The following DENND4A variants were observed in gnomAD, a reference collection of about 807,000 sequenced individuals.
DENND4A encodes DENN domain containing 4A.
Under a neutral mutation model 199.3 loss-of-function variants are expected in DENND4A, and 70 were observed. That is an observed-to-expected ratio of 0.35 (90% CI 0.29 to 0.43). The LOEUF is 0.43. Ranked by LOEUF, DENND4A falls within the 20% of genes least tolerant of loss-of-function variation. DENND4A has a pLI of 1.00. For missense variants in DENND4A, 1,723 were observed against 2,255.8 expected, an observed-to-expected ratio of 0.76 and a Z score of 4.78; for synonymous variants, 686 against 766.9, an observed-to-expected ratio of 0.89 and a Z score of 1.74.
chr15:65,741,224 C>A (rs1400474452), intron 5 of DENND4A, among the ~76,000 whole-genome samples: 1 of 152,030 alleles, frequency 6.6e-6, no homozygotes, highest in African/African-American at 2.4e-5. Context: ...TGCATAAAAG[C>A]AATTTTTAAA....
chr15:65,672,585 G>T (rs1468392562), intron 24 of DENND4A, among the ~76,000 whole-genome samples: 1 of 151,276 alleles, frequency 6.6e-6, no homozygotes, highest in Non-Finnish European at 1.5e-5. Flanking sequence ...CAATGAGAGC[G>T]TGGGCAGCAG....
At chr15:65,735,224 A>G (rs984451664) in intron 7 of DENND4A, among the ~76,000 whole-genome samples, 1 of 152,028 alleles carries the variant, frequency 6.6e-6, no homozygotes, top group African/African-American at 2.4e-5. Context: ...CCAAAAATAC[A>G]AAAATCAGCC....
chr15:65,715,288 C>T, intron 14 of DENND4A, 190 bp downstream of exon 14: 2 of 473,574 alleles, frequency 4.2e-6, no homozygotes, highest in Non-Finnish European at 7.1e-6. Flanking sequence ...TAGTAAAATT[C>T]TACAAGGTAA....
chr15:65,740,470 G>A (rs2076229834), intron 5 of DENND4A, among the ~76,000 whole-genome samples: 1 of 147,984 alleles, frequency 6.8e-6, no homozygotes, highest in Non-Finnish European at 1.5e-5. Context: ...AAAAAAATTA[G>A]CCAGGCACGG....
At chr15:65,786,387 T>G (rs2077567303) in intron 1 of DENND4A, among the ~76,000 whole-genome samples, 2 of 152,106 alleles carry the variant, frequency 1.3e-5, no homozygotes, top group Admixed American at 6.5e-5. Context: ...AACATACATG[T>G]TTTGTTTTTT....
intron 22 of DENND4A, among the ~76,000 whole-genome samples, chr15:65,694,618 C>G (rs896459520): frequency 6.6e-6 from 1 of 152,040 alleles, no homozygotes; most frequent in Non-Finnish European, 1.5e-5. Flanking sequence ...ATATATTGTA[C>G]TGCAAAATAT....
rs1374534046 is a variant in DENND4A, at chr15:65,661,320, G to C, written c.*531C>G. 6.6e-6 allele frequency: 1 copy of C among 152,094 alleles called. No individual in the cohort carries two copies. Among genetic ancestry groups the C allele is most frequent in the Non-Finnish European group, 1.5e-5 (1 of 68,046 alleles). The allele number at this position is 152,094 out of a possible 1,614,324, so 9.4% of individuals were successfully genotyped here. On this transcript the variant is annotated 3_prime_UTR_variant, in exon 33 of 33. Transcript: ENST00000443035. The stretch of plus-strand genomic sequence containing the variant: ...ATTACTTCAAATAGCAGCAGACAAG[G>C]AAAATACACGCTTGCTTGCTTAAGT...
chr15:65,732,903 A>G, intron 7 of DENND4A, 85 bp from the exon 8 acceptor site: 1 of 781,554 alleles, frequency 1.3e-6, no homozygotes, highest in Non-Finnish European at 2.1e-6. Context: ...GTCCAAGTTG[A>G]GTCAAAGCCC....
intron 10 of DENND4A, 106 bp downstream of exon 10, chr15:65,729,428 C>A: frequency 6.8e-7 from 1 of 1,466,586 alleles, no homozygotes; most frequent in Non-Finnish European, 9.2e-7. Context: ...AACACAAATT[C>A]ATTACTCTCT....
chr15:65,780,500 A>C (rs969140212), intron 1 of DENND4A, among the ~76,000 whole-genome samples: 2 of 152,224 alleles, frequency 1.3e-5, no homozygotes, highest in Non-Finnish European at 2.9e-5. Flanking sequence ...ACAGGACACC[A>C]AATGTTGGAC....
rs771198068 is a variant in DENND4A, at chr15:65,756,132, A to T, written c.311+8T>A. ...CAATAACAGTAAGTCGTTTAAAAAAATACTTACCCCAGATCTGTAAGTGGA... is the reference window on the plus strand; with the variant it reads ...CAATAACAGTAAGTCGTTTAAAAAATTACTTACCCCAGATCTGTAAGTGGA... On this transcript the variant is annotated splice_region_variant and intron_variant, in intron 3 of 32. Transcript: ENST00000443035. 3 of 1,584,430 alleles carry T rather than the reference A, an allele frequency of 1.9e-6. No individual in the cohort carries two copies. The highest frequency in any genetic ancestry group is 2.6e-6 in the Non-Finnish European group (3 of 1,167,468).
intron 4 of DENND4A, 122 bp from the exon 5 acceptor site, chr15:65,741,906 A>G: frequency 1.6e-6 from 1 of 615,504 alleles, no homozygotes; most frequent in Non-Finnish European, 2.6e-6. Flanking sequence ...TCCCTCTGCT[A>G]GCTATTTTCA....
intron 1 of DENND4A, among the ~76,000 whole-genome samples, chr15:65,775,337 C>T (rs545609898): frequency 2.7e-5 from 4 of 148,804 alleles, no homozygotes; most frequent in Non-Finnish European, 5.9e-5. Context: ...CAGAGCCACA[C>T]CCTGCCTCAA....
At chr15:65,742,999 T>C (rs915741853) in intron 4 of DENND4A, among the ~76,000 whole-genome samples, 8 of 152,308 alleles carry the variant, frequency 5.3e-5, no homozygotes, top group African/African-American at 1.9e-4. Context: ...TGTAATGTCA[T>C]TGATAATTAA....
intron 24 of DENND4A, among the ~76,000 whole-genome samples, chr15:65,672,929 C>T (rs1414324115): frequency 6.6e-6 from 1 of 150,766 alleles, no homozygotes; most frequent in African/African-American, 2.4e-5. Flanking sequence ...AGCCTGATCT[C>T]GGCTAACTGC....
At chr15:65,781,674 G>T (rs542807314) in intron 1 of DENND4A, among the ~76,000 whole-genome samples, 2 of 152,292 alleles carry the variant, frequency 1.3e-5, no homozygotes, top group South Asian at 4.1e-4. Context: ...ATAAAGTCCA[G>T]TTTGGACAAG....
In DENND4A at chr15:65,701,205, C is replaced by A. The variant is rs1371807302; in HGVS notation, c.2560-13G>T. The A allele has an allele frequency of 7.8e-6, 12 of 1,534,926 alleles. No individual in the cohort carries two copies. The East Asian group carries it at 9.5e-5, about 12-fold the overall frequency. On this transcript the variant is annotated splice_polypyrimidine_tract_variant and intron_variant, in intron 18 of 32. Coordinates refer to ENST00000443035, the MANE Select transcript of DENND4A (RefSeq NM_001320835.1). ...TTTCCAAAACAGCCTATTCATTCAA[C>A]AAAATAAAATAATTAGTAAAATAAT...
At position 65,699,756 on chromosome 15, in the gene DENND4A, T is replaced by G. The variant is rs1466325254; in HGVS notation, c.2833+788A>C. ...GTGCAGTGGCTTGATCATGGCTCACTGCAGCCTCAACCTCCTGGGTTCAAG... is the reference window on the plus strand; with the variant it reads ...GTGCAGTGGCTTGATCATGGCTCACGGCAGCCTCAACCTCCTGGGTTCAAG... On this transcript the variant is annotated intron_variant, in intron 20 of 32. Transcript: ENST00000443035. Among the ~76,000 whole-genome samples the G allele has an allele frequency of 2.7e-5, 4 of 150,698 alleles. No individual in the cohort carries two copies. The East Asian group carries it at 7.7e-4, about 29-fold the overall frequency.
At chr15:65,696,964 CA>C (rs1567016735) in intron 21 of DENND4A, 2 of 303,378 alleles carry the variant, frequency 6.6e-6, no homozygotes, top group Non-Finnish European at 1.3e-5. Flanking sequence ...TGTTAAGTCT[CA>C]AAAAAGAAAT....
Sources: gnomAD v4.1 joint callset for allele counts (sites outside exome capture counted in the v4.1 genomes callset) on GRCh38, gnomAD v4.1.1 for gene constraint, MANE v1.5 for transcripts, NCBI Gene and HGNC (gene_info 2026-07-23, HGNC 2026-07-21) for gene names.